The following SCYL3 variants were observed in gnomAD, a reference collection of about 807,000 sequenced individuals.
The protein encoded by SCYL3 is protein-associating with the carboxyl-terminal domain of ezrin.
In SCYL3, 35 loss-of-function variants were observed where a neutral mutation model predicts 73.8. The ratio of observed to expected loss-of-function variants is 0.47; its 90% CI spans 0.36 to 0.63. SCYL3 has a LOEUF of 0.63. Among genes scored for constraint, SCYL3 ranks in the 20% least tolerant of loss-of-function variants. The probability of loss-of-function intolerance (pLI) is 0.00; values close to 1 mark genes in which losing one functional copy is unlikely to be tolerated. For missense variants in SCYL3, 712 were observed against 798.9 expected (o/e 0.89, Z 1.31); for synonymous variants, 277 against 295.2 (o/e 0.94, Z 0.63).
chr1:169,865,061 C>T (rs190640069), intron 8 of SCYL3, among the ~76,000 whole-genome samples: 14 of 151,986 alleles, frequency 9.2e-5, no homozygotes, highest in Admixed American at 7.9e-4. Context: ...ACCAAATTAT[C>T]CCCTTACTAA....
At chr1:169,884,697 T>C (rs1253128906) in intron 2 of SCYL3, among the ~76,000 whole-genome samples, 1 of 152,272 alleles carries the variant, frequency 6.6e-6, no homozygotes, top group African/African-American at 2.4e-5. Flanking sequence ...ACCAAATCTT[T>C]CATGTTCTCT....
chr1:169,852,755 T>C lies in SCYL3; in HGVS notation c.*958A>G. ...AAAGGAAGGTTCTTTATATTTAGAA[T>C]GGATATTGTGATATTACTTATGTTT... On this transcript the variant is annotated 3_prime_UTR_variant, in exon 13 of 13. Transcript: ENST00000367771. 1 of 1,597,416 alleles carries C rather than the reference T, an allele frequency of 6.3e-7. No homozygotes were observed. Among genetic ancestry groups the C allele is most frequent in the Non-Finnish European group, 8.6e-7 (1 of 1,168,462 alleles).
intron 8 of SCYL3, 109 bp from the exon 9 acceptor site, chr1:169,864,617 ATTT>A: frequency 6.2e-6 from 7 of 1,138,128 alleles, no homozygotes; most frequent in Non-Finnish European, 7.4e-6. Flanking sequence ...AAAGTGATGC[ATTT>A]GAAATGGAGA....
At position 169,853,557 on chromosome 1, in the gene SCYL3, TCTC is replaced by T. The variant is rs1373931670; in HGVS notation, c.*153_*155del. The T allele has an allele frequency of 1.4e-6, 1 of 729,084 alleles. No homozygotes were observed. Among genetic ancestry groups the T allele is most frequent in the African/African-American group, 1.8e-5 (1 of 56,590 alleles). 45.2% of individuals were successfully genotyped at this position (729,084 alleles called of 1,614,324 possible). A position where few individuals can be genotyped will look rare whatever the true frequency, so the allele number is the denominator to read the frequency against. On this transcript the variant is annotated 3_prime_UTR_variant, in exon 13 of 13. Coordinates refer to ENST00000367771, the MANE Select transcript of SCYL3 (RefSeq NM_020423.7). ...GCTTTTAGCCAGCACTCACAGTCAGTCTCCTACTTCAGTTGGCACAGACTGGAT... is the reference window on the plus strand; with the variant it reads ...GCTTTTAGCCAGCACTCACAGTCAGTCTACTTCAGTTGGCACAGACTGGAT...
At chr1:169,862,330 T>C (rs1659707431) in intron 10 of SCYL3, among the ~76,000 whole-genome samples, 1 of 152,244 alleles carries the variant, frequency 6.6e-6, no homozygotes, top group Non-Finnish European at 1.5e-5. Flanking sequence ...TGGATAATTA[T>C]ATGTTATGTT....
chr1:169,871,403 G>A (rs1660384364), intron 5 of SCYL3, among the ~76,000 whole-genome samples: 1 of 152,214 alleles, frequency 6.6e-6, no homozygotes. Context: ...CACCAGGTGA[G>A]ACGTGCCTTT....
Position 169,864,403 on chromosome 1 carries a change from C to CT in SCYL3, c.920dup (p.Ser308GlufsTer40). 6.2e-7 allele frequency: 1 copy of CT among 1,614,196 alleles called. No homozygotes were observed. The highest frequency in any genetic ancestry group is 8.5e-7 in the Non-Finnish European group (1 of 1,180,014). Reference sequence around the variant, plus strand: ...GGCCAAGCAGATAAGGAAGAAAACTCTTAACAGCCACTGGCTCTGCAAACA... The same window carrying CT: ...GGCCAAGCAGATAAGGAAGAAAACTCTTTAACAGCCACTGGCTCTGCAAACA... On this transcript the variant is annotated frameshift_variant, in exon 9 of 13. Transcript: ENST00000367771. LOFTEE classifies it high-confidence loss of function.
chr1:169,881,004 C>T (rs563617098), intron 2 of SCYL3, among the ~76,000 whole-genome samples: 2 of 152,180 alleles, frequency 1.3e-5, no homozygotes, highest in Non-Finnish European at 2.9e-5. Context: ...TCGGGCAATC[C>T]GCCCACCTCA....
In SCYL3 at chr1:169,878,702, A is replaced by G. The variant is rs1481195046; in HGVS notation, c.283T>C (p.Leu95=). Residue 95 remains leucine, a synonymous_variant, in exon 3 of 13, where the codon TTG becomes CTG. Coordinates refer to ENST00000367771, the MANE Select transcript of SCYL3 (RefSeq NM_020423.7). ...VQPLEVALET[L]SSAEVCAGIY... ...CCAGCACAGACCTCTGCAGAAGACAATGTTTCCAAAGCCACTTCCAGGGGC... is the reference window on the plus strand; with the variant it reads ...CCAGCACAGACCTCTGCAGAAGACAGTGTTTCCAAAGCCACTTCCAGGGGC... 4 of 1,613,964 alleles carry G rather than the reference A, an allele frequency of 2.5e-6. No individual in the cohort carries two copies. The highest frequency in any genetic ancestry group is 2.2e-5 in the East Asian group (1 of 44,892).
chr1:169,860,444 G>GA (rs1211969779), intron 10 of SCYL3, among the ~76,000 whole-genome samples: 6 of 152,270 alleles, frequency 3.9e-5, no homozygotes, highest in African/African-American at 1.4e-4. Flanking sequence ...AGCAGGGCGT[G>GA]ACAGGTATCA....
intron 1 of SCYL3, among the ~76,000 whole-genome samples, chr1:169,892,177 G>C (rs1662131243): frequency 6.6e-6 from 1 of 152,234 alleles, no homozygotes; most frequent in Non-Finnish European, 1.5e-5. Flanking sequence ...TGCAATTTGA[G>C]AATGTTTTGA....
upstream of SCYL3, chr1:169,894,152 G>T (rs375246930): frequency 6.6e-6 from 1 of 152,264 alleles, no homozygotes; most frequent in African/African-American, 2.4e-5. Flanking sequence ...TGTGTTGGTC[G>T]AATGCTTAAG....
intron 3 of SCYL3, among the ~76,000 whole-genome samples, chr1:169,876,839 C>A (rs1660864811): frequency 6.6e-6 from 1 of 151,784 alleles, no homozygotes; most frequent in African/African-American, 2.4e-5. Flanking sequence ...CCTGTAGTCC[C>A]AGCTACTCGG....
chr1:169,852,751 A>AGAAT lies in SCYL3; in HGVS notation c.*958_*961dup, dbSNP rs1558106700. 6.3e-7 allele frequency: 1 copy of AGAAT among 1,591,680 alleles called. No individual in the cohort carries two copies. On this transcript the variant is annotated 3_prime_UTR_variant, in exon 13 of 13. Coordinates refer to ENST00000367771, the MANE Select transcript of SCYL3 (RefSeq NM_020423.7). ...TCCAAAAGGAAGGTTCTTTATATTT[A>AGAAT]GAATGGATATTGTGATATTACTTAT...
In SCYL3 at chr1:169,887,743, A is replaced by G. The variant is rs1661787204; in HGVS notation, c.165+933T>C. The stretch of plus-strand genomic sequence containing the variant: ...CTGTTACCCATCTTTTTCTTTAGGA[A>G]CCATCTTATAACAATTTCATGCTTG... On this transcript the variant is annotated intron_variant, in intron 2 of 12. Transcript: ENST00000367771. Among the ~76,000 whole-genome samples, 4 of 152,214 alleles carry G rather than the reference A, an allele frequency of 2.6e-5. No individual in the cohort carries two copies. In the South Asian group the frequency reaches 8.3e-4, roughly 32 times the overall value.
intron 2 of SCYL3, among the ~76,000 whole-genome samples, chr1:169,887,569 T>C (rs1661773280): frequency 1.3e-5 from 2 of 152,360 alleles, no homozygotes; most frequent in African/African-American, 4.8e-5. Flanking sequence ...TAAGGCATTT[T>C]GTCTTTTGTA....
chr1:169,874,850 C>A (rs1384857932), intron 4 of SCYL3, among the ~76,000 whole-genome samples: 1 of 152,092 alleles, frequency 6.6e-6, no homozygotes, highest in Non-Finnish European at 1.5e-5. Context: ...TCACTTGAAC[C>A]AGGGAGGCAG....
Position 169,850,254 on chromosome 1 carries a change from T to C in SCYL3, c.*3459A>G. 1.3e-6 allele frequency: 2 copies of C among 1,590,618 alleles called. No individual in the cohort carries two copies. The highest frequency in any genetic ancestry group is 2.2e-5 in the South Asian group (2 of 89,504). On this transcript the variant is annotated 3_prime_UTR_variant, in exon 13 of 13. Coordinates refer to ENST00000367771, the MANE Select transcript of SCYL3 (RefSeq NM_020423.7). Reference sequence around the variant, plus strand: ...TGTTAAAATTGGTCTTGTTCATCAATTTTTTAATAGGGAACAAATCATGAA... The same window carrying C: ...TGTTAAAATTGGTCTTGTTCATCAACTTTTTAATAGGGAACAAATCATGAA...
chr1:169,888,817 T>C lies in SCYL3; in HGVS notation c.24A>G (p.Leu8=). 6.2e-7 allele frequency: 1 copy of C among 1,612,612 alleles called. No individual in the cohort carries two copies. Among genetic ancestry groups the C allele is most frequent in the Non-Finnish European group, 8.5e-7 (1 of 1,179,244 alleles). MGSENSA[L]KSYTLREPPF... is the part of the protein sequence containing the mutation. ...GTGGTTCTCTCAGTGTATAGCTCTT[T>C]AAAGCACTGTTCTCTGATCCCATCC... is the stretch of plus-strand genomic sequence containing the variant. The change falls in exon 2 of 13, where the codon TTA becomes TTG. Residue 8 remains leucine, a synonymous_variant. Coordinates refer to ENST00000367771, the MANE Select transcript of SCYL3 (RefSeq NM_020423.7).
Sources: gnomAD v4.1 joint callset for allele counts (sites outside exome capture counted in the v4.1 genomes callset) on GRCh38, gnomAD v4.1.1 for gene constraint, MANE v1.5 for transcripts, NCBI Gene and HGNC (gene_info 2026-07-23, HGNC 2026-07-21) for gene names.